ATG5: variants seen among roughly 807,000 people sequenced by gnomAD.
ATG5 encodes autophagy related 5.
ATG5 carries 14 observed loss-of-function variants against 36.5 expected under a neutral mutation model. The observed-to-expected ratio is 0.38, with a 90% confidence interval of 0.25 to 0.60. The LOEUF is 0.60. Ranked by LOEUF, ATG5 falls within the 20% of genes least tolerant of loss-of-function variation. The probability of loss-of-function intolerance (pLI) is 0.60; values close to 1 mark genes in which losing one functional copy is unlikely to be tolerated. For synonymous variants in ATG5, 95 were observed against 101.5 expected (o/e 0.94, Z 0.38); for missense variants, 195 against 326.7 (o/e 0.60, Z 3.11).
chr6:106,220,338 G>T (rs1473514083), intron 6 of ATG5, among the ~76,000 whole-genome samples: 1 of 151,996 alleles, frequency 6.6e-6, no homozygotes, highest in African/African-American at 2.4e-5. Flanking sequence ...CAAACAATCT[G>T]CATGCACTGC....
chr6:106,314,121 A>T (rs1298914688), intron 2 of ATG5, among the ~76,000 whole-genome samples: 4 of 152,216 alleles, frequency 2.6e-5, no homozygotes, highest in Non-Finnish European at 5.9e-5. Flanking sequence ...TTTCAATTTG[A>T]TTAGAAACAC....
chr6:106,295,089 T>G (rs974824270), intron 3 of ATG5, among the ~76,000 whole-genome samples: 10 of 151,714 alleles, frequency 6.6e-5, no homozygotes, highest in Non-Finnish European at 1.3e-4. Flanking sequence ...TATACACACA[T>G]ATATAGTACT....
intron 6 of ATG5, among the ~76,000 whole-genome samples, chr6:106,204,236 A>C (rs1466088255): frequency 6.6e-6 from 1 of 152,218 alleles, no homozygotes; most frequent in East Asian, 1.9e-4. Flanking sequence ...TACAAAATGA[A>C]AAAATAAATA....
At chr6:106,293,972 T>G (rs906604478) in intron 3 of ATG5, among the ~76,000 whole-genome samples, 1 of 152,198 alleles carries the variant, frequency 6.6e-6, no homozygotes, top group African/African-American at 2.4e-5. Flanking sequence ...TTCAGCTTTT[T>G]TTTTTTTCTT....
rs1032744432 is a variant in ATG5 at position 106,192,220 on chromosome 6, A to AT, written c.692-5545dup. The stretch of plus-strand genomic sequence containing the variant: ...CATTTAATAGACTTTAGGTAAGGTT[A>AT]TTTTTTTTAAAAAAGATGAAAACAT... On this transcript the variant is annotated intron_variant, in intron 7 of 7. Coordinates refer to ENST00000369076, the MANE Select transcript of ATG5 (RefSeq NM_004849.4). 5.9e-5 allele frequency among the ~76,000 whole-genome samples: 9 copies of AT among 151,772 alleles called. No individual in the cohort carries two copies. In the South Asian group the frequency reaches 8.3e-4, roughly 14 times the overall value.
chr6:106,282,025 G>A (rs1251044425), intron 4 of ATG5, among the ~76,000 whole-genome samples: 1 of 152,176 alleles, frequency 6.6e-6, no homozygotes, highest in Non-Finnish European at 1.5e-5. Context: ...AGAACAAGTT[G>A]AGTATAATGT....
chr6:106,247,048 T>C (rs890229766), intron 6 of ATG5, among the ~76,000 whole-genome samples: 3 of 152,212 alleles, frequency 2.0e-5, no homozygotes, highest in East Asian at 1.9e-4. Context: ...TATTGAGATG[T>C]TTACTTTCAA....
At chr6:106,305,621 G>A (rs77149297) in intron 3 of ATG5, among the ~76,000 whole-genome samples, 2,900 of 152,148 alleles carry the variant, frequency 0.019, 86 homozygotes, top group African/African-American at 0.066. Flanking sequence ...TTAAAACTCC[G>A]AAGAATAAAT....
intron 3 of ATG5, among the ~76,000 whole-genome samples, chr6:106,300,186 T>C (rs917834278): frequency 6.6e-6 from 1 of 152,162 alleles, no homozygotes; most frequent in Admixed American, 6.5e-5. Flanking sequence ...TTTTCCATTA[T>C]TGGAACGCTA....
intron 6 of ATG5, among the ~76,000 whole-genome samples, chr6:106,233,446 A>C (rs1413816845): frequency 6.6e-6 from 1 of 152,228 alleles, no homozygotes; most frequent in Non-Finnish European, 1.5e-5. Flanking sequence ...CCCAAGCCCC[A>C]GTGTTTAGCT....
intron 6 of ATG5, among the ~76,000 whole-genome samples, chr6:106,203,499 C>T (rs1412946530): frequency 2.0e-5 from 3 of 152,234 alleles, no homozygotes; most frequent in East Asian, 1.9e-4. Context: ...TTTACCTCCT[C>T]TCTCCCTCTT....
At chr6:106,222,260 C>T (rs1300785876) in intron 6 of ATG5, among the ~76,000 whole-genome samples, 1 of 152,100 alleles carries the variant, frequency 6.6e-6, no homozygotes, top group Non-Finnish European at 1.5e-5. Context: ...CTGCATCATT[C>T]ACAATCTATC....
At chr6:106,250,064 T>C (rs1374380962) in intron 5 of ATG5, among the ~76,000 whole-genome samples, 2 of 152,084 alleles carry the variant, frequency 1.3e-5, no homozygotes, top group Non-Finnish European at 2.9e-5. Context: ...CCTTTTTTTT[T>C]AACTCACCCA....
At chr6:106,320,638 A>G (rs1217435551) in intron 1 of ATG5, among the ~76,000 whole-genome samples, 1 of 151,798 alleles carries the variant, frequency 6.6e-6, no homozygotes, top group African/African-American at 2.4e-5. Context: ...AAAAAAAAAA[A>G]TCCATAAAGT....
chr6:106,238,434 T>C (rs1223051626), intron 6 of ATG5, among the ~76,000 whole-genome samples: 1 of 152,222 alleles, frequency 6.6e-6, no homozygotes. Flanking sequence ...ACAACTATAC[T>C]TGGATGGGAT....
intron 3 of ATG5, among the ~76,000 whole-genome samples, chr6:106,305,703 G>C (rs1305496427): frequency 6.6e-6 from 1 of 152,202 alleles, no homozygotes; most frequent in African/African-American, 2.4e-5. Context: ...GGTCTCAAAA[G>C]TCCAAGTCTT....
intron 5 of ATG5, among the ~76,000 whole-genome samples, chr6:106,277,751 A>G (rs1300991902): frequency 6.6e-6 from 1 of 152,190 alleles, no homozygotes; most frequent in East Asian, 1.9e-4. Flanking sequence ...AAGGCAAAGG[A>G]TGCAGTGAGC....
At chr6:106,197,441 G>A (rs1007042722) in intron 7 of ATG5, among the ~76,000 whole-genome samples, 1 of 149,820 alleles carries the variant, frequency 6.7e-6, no homozygotes, top group African/African-American at 2.5e-5. Flanking sequence ...TTGTTATAGT[G>A]TGGTTGCTTG....
rs1438359419 is a variant in ATG5 at position 106,292,945 on chromosome 6, C to G, written c.315+83G>C. ...GTGTCAGGGGAAAAGCAATAAATAA[C>G]TTCACTTAAAAAGAAAATTCTACTC... On this transcript the variant is annotated intron_variant, in intron 4 of 7. Coordinates refer to ENST00000369076, the MANE Select transcript of ATG5 (RefSeq NM_004849.4). The G allele has an allele frequency of 2.7e-6, 3 of 1,113,344 alleles. No homozygotes were observed. The African/African-American group carries it at 4.7e-5, about 17-fold the overall frequency. The allele number at this position is 1,113,344 out of a possible 1,614,324, so 69.0% of individuals were successfully genotyped here.
Sources: gnomAD v4.1 joint callset for allele counts (sites outside exome capture counted in the v4.1 genomes callset) on GRCh38, gnomAD v4.1.1 for gene constraint, MANE v1.5 for transcripts, NCBI Gene and HGNC (gene_info 2026-07-23, HGNC 2026-07-21) for gene names.